The following SV2B variants were observed in gnomAD, a reference collection of about 807,000 sequenced individuals.
The protein encoded by SV2B is solute carrier family 22 member B2.
Under a neutral mutation model 73.9 loss-of-function variants are expected in SV2B, and 41 were observed. That is an observed-to-expected ratio of 0.56 (90% CI 0.43 to 0.72). SV2B has a LOEUF of 0.72. Among genes scored for constraint, SV2B ranks in the 30% least tolerant of loss-of-function variants. SV2B has a pLI of 0.00. For missense variants in SV2B, 764 were observed against 857.8 expected (o/e 0.89, Z 1.37); for synonymous variants, 314 against 314.2 (o/e 1.00, Z 0.01).
chr15:91,291,394 G>A (rs2049035006), intron 12 of SV2B, among the ~76,000 whole-genome samples: 1 of 152,062 alleles, frequency 6.6e-6, no homozygotes, highest in Non-Finnish European at 1.5e-5. Flanking sequence ...AATGAAAGAA[G>A]AGTTTTAAGA....
intron 1 of SV2B, among the ~76,000 whole-genome samples, chr15:91,155,970 A>T (rs1433501864): frequency 2.0e-5 from 3 of 152,038 alleles, no homozygotes; most frequent in Non-Finnish European, 2.9e-5. Context: ...CCAAGAAATC[A>T]TGGGCCCAGA....
intron 1 of SV2B, among the ~76,000 whole-genome samples, chr15:91,222,694 G>A (rs762553671): frequency 3.9e-5 from 6 of 152,160 alleles, no homozygotes; most frequent in African/African-American, 9.7e-5. Context: ...TTTGAACGTG[G>A]ATTTCAAAGC....
At chr15:91,193,692 A>G in intron 1 of SV2B, among the ~76,000 whole-genome samples, 1 of 152,210 alleles carries the variant, frequency 6.6e-6, no homozygotes, top group East Asian at 1.9e-4. Flanking sequence ...TCTAGAAAGC[A>G]CTCAGCTTTC....
rs2046433682 is a variant in SV2B, at chr15:91,227,822, C to T, written c.451+1108C>T. 6.6e-6 allele frequency among the ~76,000 whole-genome samples: 1 copy of T among 152,204 alleles called. No homozygotes were observed. Among genetic ancestry groups the T allele is most frequent in the Admixed American group, 6.5e-5 (1 of 15,280 alleles). ...TCTCTATGAAATACCTGGTGCGATT[C>T]AGGTCCCCGATACTTGCTATAGAGC... On this transcript the variant is annotated intron_variant, in intron 2 of 12. Coordinates refer to ENST00000394232, the MANE Select transcript of SV2B (RefSeq NM_001323032.3). The surrounding 1 kb of genome is among the most constrained non-coding windows in gnomAD (Gnocchi z 4.5).
At chr15:91,166,022 T>TA (rs1567306749) in intron 1 of SV2B, among the ~76,000 whole-genome samples, 1 of 152,218 alleles carries the variant, frequency 6.6e-6, no homozygotes, top group East Asian at 1.9e-4. Flanking sequence ...TTTCAGCACT[T>TA]AAAAAGGTTC....
rs2141673353 is a variant in SV2B at position 91,265,032 on chromosome 15, G to A, written c.1009-1550G>A. ...CCAGAAAAAGAAATGAAAAAAGAGA[G>A]ACAACCAGAAAGTGGTAACTGACCT... On this transcript the variant is annotated intron_variant, in intron 6 of 12. Coordinates refer to ENST00000394232, the MANE Select transcript of SV2B (RefSeq NM_001323032.3). This position sits in a 1 kb window ranked among gnomAD's most constrained non-coding sequence, Gnocchi z 4.2. Among the ~76,000 whole-genome samples the A allele has an allele frequency of 6.6e-6, 1 of 152,318 alleles. No homozygotes were observed. Among genetic ancestry groups the A allele is most frequent in the East Asian group, 1.9e-4 (1 of 5,186 alleles).
At position 91,258,967 on chromosome 15, in the gene SV2B, A is replaced by C. The variant is rs1433227626; in HGVS notation, c.918+413A>C. Among the ~76,000 whole-genome samples, 1 of 151,260 alleles carries C rather than the reference A, an allele frequency of 6.6e-6. No homozygotes were observed. Among genetic ancestry groups the C allele is most frequent in the Non-Finnish European group, 1.5e-5 (1 of 67,884 alleles). On this transcript the variant is annotated intron_variant, in intron 5 of 12. Coordinates refer to ENST00000394232, the MANE Select transcript of SV2B (RefSeq NM_001323032.3). This position sits in a 1 kb window ranked among gnomAD's most constrained non-coding sequence, Gnocchi z 4.7. ...ATTAGTTGAGCGATTTGGTGCGTGCATGCCTGTGGTCCCATCTACTTGGGA... is the reference window on the plus strand; with the variant it reads ...ATTAGTTGAGCGATTTGGTGCGTGCCTGCCTGTGGTCCCATCTACTTGGGA...
In SV2B at chr15:91,157,458, A is replaced by G. The variant is rs8025104; in HGVS notation, c.-392+57095A>G. 1.0e-2 allele frequency among the ~76,000 whole-genome samples: 1,522 copies of G among 152,232 alleles called. 24 individuals carry two copies. The highest frequency in any genetic ancestry group is 0.035 in the African/African-American group (1,445 of 41,526). On this transcript the variant is annotated intron_variant, in intron 1 of 12. Transcript: ENST00000394232. ...TCCCTCATTTCTTCCTGGCTGTAGGATAATTTTGGCCAGAGTAACAATCTT... is the reference window on the plus strand; with the variant it reads ...TCCCTCATTTCTTCCTGGCTGTAGGGTAATTTTGGCCAGAGTAACAATCTT...
chr15:91,215,536 T>C (rs1156589749), intron 1 of SV2B, among the ~76,000 whole-genome samples: 1 of 152,162 alleles, frequency 6.6e-6, no homozygotes, highest in African/African-American at 2.4e-5. Flanking sequence ...TGGCAAACAT[T>C]AACATCTTAA....
chr15:91,167,178 T>A (rs576358505), intron 1 of SV2B, among the ~76,000 whole-genome samples: 28 of 152,348 alleles, frequency 1.8e-4, no homozygotes, highest in African/African-American at 6.5e-4. Context: ...ACCATTATTT[T>A]ATGGAATATG....
chr15:91,157,817 C>CCT (rs2043543132), intron 1 of SV2B, among the ~76,000 whole-genome samples: 1 of 152,174 alleles, frequency 6.6e-6, no homozygotes, highest in Non-Finnish European at 1.5e-5. Context: ...CATTCAGTGT[C>CCT]TTCCACCACC....
At position 91,122,882 on chromosome 15, in the gene SV2B, C is replaced by T. The variant is rs997812170; in HGVS notation, c.-392+22519C>T. On this transcript the variant is annotated intron_variant, in intron 1 of 12. Transcript: ENST00000394232. The surrounding 1 kb of genome is among the most constrained non-coding windows in gnomAD (Gnocchi z 4.3). ...GTGTGTTGGGGAGATCCTTGTTGGTCAAAGGATACTAAATTTCAGTTTGAC... is the reference window on the plus strand; with the variant it reads ...GTGTGTTGGGGAGATCCTTGTTGGTTAAAGGATACTAAATTTCAGTTTGAC... 2.0e-5 allele frequency among the ~76,000 whole-genome samples: 3 copies of T among 152,072 alleles called. No individual in the cohort carries two copies. Among genetic ancestry groups the T allele is most frequent in the African/African-American group, 7.2e-5 (3 of 41,392 alleles).
intron 1 of SV2B, among the ~76,000 whole-genome samples, chr15:91,192,050 G>T (rs796325735): frequency 5.3e-5 from 8 of 152,164 alleles, no homozygotes; most frequent in African/African-American, 1.9e-4. Context: ...CCTCATGCTG[G>T]TCTCTCTGTC....
At chr15:91,119,937 A>G (rs1250953838) in intron 1 of SV2B, among the ~76,000 whole-genome samples, 1 of 152,186 alleles carries the variant, frequency 6.6e-6, no homozygotes, top group African/African-American at 2.4e-5. Context: ...AGTGTTTTCC[A>G]TATTTGTAAA....
At chr15:91,206,666 G>A (rs1293740385) in intron 1 of SV2B, among the ~76,000 whole-genome samples, 5 of 152,142 alleles carry the variant, frequency 3.3e-5, no homozygotes, top group African/African-American at 1.2e-4. Flanking sequence ...GGTTTGGGGT[G>A]GGTGTCCATT....
intron 1 of SV2B, among the ~76,000 whole-genome samples, chr15:91,189,265 A>AT (rs1018442532): frequency 5.3e-5 from 8 of 151,174 alleles, no homozygotes; most frequent in Non-Finnish European, 7.4e-5. Context: ...TATTCTAGTC[A>AT]TTTTTTCCTC....
chr15:91,207,692 A>T (rs1280645902), intron 1 of SV2B, among the ~76,000 whole-genome samples: 1 of 152,252 alleles, frequency 6.6e-6, no homozygotes, highest in Non-Finnish European at 1.5e-5. Context: ...GTTTTATGTG[A>T]CACAGGAACC....
chr15:91,134,376 C>T (rs1022836052), intron 1 of SV2B, among the ~76,000 whole-genome samples: 1 of 152,152 alleles, frequency 6.6e-6, no homozygotes, highest in Non-Finnish European at 1.5e-5. Context: ...GATGTTGCTA[C>T]AATTCAGAAT....
chr15:91,167,102 C>T (rs930304183), intron 1 of SV2B, among the ~76,000 whole-genome samples: 24 of 152,046 alleles, frequency 1.6e-4, no homozygotes, highest in African/African-American at 3.6e-4. Context: ...CGTGAGCCAC[C>T]GCGCCCGGCC....
Sources: gnomAD v4.1 joint callset for allele counts (sites outside exome capture counted in the v4.1 genomes callset) on GRCh38, gnomAD v4.1.1 for gene constraint, Gnocchi (gnomAD v3.1) non-coding constraint, MANE v1.5 for transcripts, NCBI Gene and HGNC (gene_info 2026-07-23, HGNC 2026-07-21) for gene names.